The following GALNT2 variants were observed in gnomAD, a reference collection of about 807,000 sequenced individuals.
The protein encoded by GALNT2 is polypeptide N-acetylgalactosaminyltransferase 2, also known as UDP-GalNAc:polypeptide N-acetylgalactosaminyltransferase 2.
A neutral mutation model predicts 81.4 loss-of-function variants in GALNT2; 31 were observed. The observed-to-expected ratio is 0.38, with a 90% CI of 0.29 to 0.51. The LOEUF is 0.51. Ranked by LOEUF, GALNT2 falls within the 20% of genes least tolerant of loss-of-function variation. The pLI is 0.87. For synonymous variants in GALNT2, 303 were observed against 287.4 expected (o/e 1.05, Z -0.55); for missense variants, 629 against 765.7 (o/e 0.82, Z 2.11).
intron 3 of GALNT2, among the ~76,000 whole-genome samples, chr1:230,222,905 C>T (rs944593405): frequency 2.6e-5 from 4 of 152,188 alleles, no homozygotes; most frequent in African/African-American, 9.7e-5. Context: ...AAACAACAGC[C>T]TGCCCCCAGA....
intron 5 of GALNT2, 32 bp downstream of exon 5, chr1:230,236,452 C>G: frequency 6.2e-7 from 1 of 1,604,250 alleles, no homozygotes; most frequent in Non-Finnish European, 8.5e-7. Flanking sequence ...ATCCCTGTGT[C>G]TGGCTCTTCT....
chr1:230,251,989 G>A (rs1184301417), intron 10 of GALNT2, among the ~76,000 whole-genome samples: 4 of 152,142 alleles, frequency 2.6e-5, no homozygotes, highest in Non-Finnish European at 5.9e-5. Context: ...GGTCTGAGCG[G>A]TTCAGGTTGG....
chr1:230,256,903 A>G (rs547943804), intron 11 of GALNT2, among the ~76,000 whole-genome samples: 2 of 152,184 alleles, frequency 1.3e-5, no homozygotes, highest in Non-Finnish European at 2.9e-5. Context: ...AGAGGTTTTC[A>G]TGGTCAAGAG....
intron 1 of GALNT2, among the ~76,000 whole-genome samples, chr1:230,154,470 G>T (rs761141199): frequency 1.1e-4 from 17 of 152,204 alleles, no homozygotes; most frequent in Non-Finnish European, 2.2e-4. Context: ...CCCCTTCTGA[G>T]AAATTTCTGG....
At chr1:230,260,863 G>A (rs1420243193) in intron 11 of GALNT2, among the ~76,000 whole-genome samples, 1 of 152,074 alleles carries the variant, frequency 6.6e-6, no homozygotes, top group Non-Finnish European at 1.5e-5. Context: ...TGATGAATTC[G>A]TCTGTCAGTA....
At chr1:230,236,978 T>A (rs1322857626) in intron 6 of GALNT2, among the ~76,000 whole-genome samples, 2 of 152,256 alleles carry the variant, frequency 1.3e-5, no homozygotes, top group African/African-American at 4.8e-5. Context: ...TTGGCTTCTT[T>A]CTTTCACAAC....
At chr1:230,224,373 G>A (rs753219995) in intron 3 of GALNT2, among the ~76,000 whole-genome samples, 3 of 152,204 alleles carry the variant, frequency 2.0e-5, no homozygotes, top group African/African-American at 7.2e-5. Context: ...GCCTTAAATG[G>A]TGAGTGGGAC....
intron 4 of GALNT2, 82 bp from the exon 5 acceptor site, chr1:230,236,271 A>G: frequency 6.9e-7 from 1 of 1,450,332 alleles, no homozygotes; most frequent in South Asian, 1.2e-5. Context: ...GGTTAGGACC[A>G]ACATATGAGA....
At chr1:230,176,692 A>T (rs897957707) in intron 1 of GALNT2, among the ~76,000 whole-genome samples, 2 of 152,260 alleles carry the variant, frequency 1.3e-5, no homozygotes, top group African/African-American at 4.8e-5. Flanking sequence ...CCGCAAAATC[A>T]GTGCCAGTAG....
upstream of GALNT2, among the ~76,000 whole-genome samples, chr1:230,062,321 G>A (rs547556242): frequency 2.0e-5 from 3 of 152,094 alleles, no homozygotes; most frequent in East Asian, 1.9e-4. Context: ...TAATGTTGTG[G>A]AAATAATTTC....
At chr1:230,247,100 C>T (rs1185547777) in intron 8 of GALNT2, among the ~76,000 whole-genome samples, 2 of 150,684 alleles carry the variant, frequency 1.3e-5, no homozygotes, top group Non-Finnish European at 2.9e-5. Context: ...AAAAAATTAG[C>T]TGCGTGTGAT....
At chr1:230,175,867 G>A (rs1662963356) in intron 1 of GALNT2, among the ~76,000 whole-genome samples, 2 of 151,790 alleles carry the variant, frequency 1.3e-5, no homozygotes, top group South Asian at 4.2e-4. Context: ...TTTAAATCGA[G>A]CCCTAGCCTG....
chr1:230,086,705 T>C (rs1372225950), intron 1 of GALNT2, among the ~76,000 whole-genome samples: 1 of 152,154 alleles, frequency 6.6e-6, no homozygotes, highest in Admixed American at 6.5e-5. Context: ...ATCTCCTGGG[T>C]TGGATCTCTT....
chr1:230,251,626 C>T (rs974171209), intron 10 of GALNT2, among the ~76,000 whole-genome samples: 1 of 152,164 alleles, frequency 6.6e-6, no homozygotes, highest in Non-Finnish European at 1.5e-5. Context: ...ATTGAAGTCA[C>T]TTGAGTACAA....
chr1:230,069,836 T>C (rs1438988502), intron 1 of GALNT2, among the ~76,000 whole-genome samples: 1 of 152,248 alleles, frequency 6.6e-6, no homozygotes, highest in Non-Finnish European at 1.5e-5. Flanking sequence ...TTTTTTCTCT[T>C]GCCTCATACT....
intron 1 of GALNT2, among the ~76,000 whole-genome samples, chr1:230,158,531 C>T (rs935809853): frequency 3.3e-5 from 5 of 152,256 alleles, no homozygotes; most frequent in African/African-American, 1.2e-4. Flanking sequence ...TTAGCCTGGG[C>T]TCCCTCTCTT....
intron 2 of GALNT2, among the ~76,000 whole-genome samples, chr1:230,200,484 G>A (rs1459445878): frequency 6.6e-6 from 1 of 152,228 alleles, no homozygotes. Context: ...CACCTCATGT[G>A]GAGTCACCTA....
chr1:230,208,931 C>T (rs1020866374), intron 3 of GALNT2, among the ~76,000 whole-genome samples: 1 of 151,910 alleles, frequency 6.6e-6, no homozygotes, highest in Non-Finnish European at 1.5e-5. Context: ...CCAATGAAGC[C>T]ACATATTTCG....
At chr1:230,179,942 CAG>C (rs1415829660) in intron 2 of GALNT2, among the ~76,000 whole-genome samples, 1 of 152,150 alleles carries the variant, frequency 6.6e-6, no homozygotes, top group Non-Finnish European at 1.5e-5. Flanking sequence ...TTATTTGAGA[CAG>C]AGTCTCACTC....
Sources: gnomAD v4.1 joint callset for allele counts (sites outside exome capture counted in the v4.1 genomes callset) on GRCh38, gnomAD v4.1.1 for gene constraint, MANE v1.5 for transcripts, NCBI Gene and HGNC (gene_info 2026-07-23, HGNC 2026-07-21) for gene names.